Variants in SNX25 observed in about 807,000 individuals in gnomAD.
The protein encoded by SNX25 is sorting nexin 25, also known as sorting nexin-25.
A neutral mutation model predicts 113.7 loss-of-function variants in SNX25; 62 were observed. That is an observed-to-expected ratio of 0.55 (90% CI 0.44 to 0.67). The LOEUF is 0.67. Among genes scored for constraint, SNX25 ranks in the 30% least tolerant of loss-of-function variants. SNX25 has a pLI of 0.00. For synonymous variants in SNX25, 421 were observed against 436.2 expected, an observed-to-expected ratio of 0.97 and a Z score of 0.43; for missense variants, 1,014 against 1,161.0, an observed-to-expected ratio of 0.87 and a Z score of 1.84.
Position 185,334,632 on chromosome 4 carries a change from A to G in SNX25, c.1914+1873A>G, listed in dbSNP as rs767391779. On this transcript the variant is annotated intron_variant, in intron 10 of 18. Transcript: ENST00000652585. The surrounding 1 kb of genome is among the most constrained non-coding windows in gnomAD (Gnocchi z 4.2). ...TTCATCTCATTATAAATTAAAATGCATCTATGGGTAACAGTATGAAAGATG... is the reference window on the plus strand; with the variant it reads ...TTCATCTCATTATAAATTAAAATGCGTCTATGGGTAACAGTATGAAAGATG... 2.6e-5 allele frequency among the ~76,000 whole-genome samples: 4 copies of G among 152,340 alleles called. No homozygotes were observed. Among genetic ancestry groups the G allele is most frequent in the East Asian group, 1.9e-4 (1 of 5,186 alleles).
At chr4:185,310,381 C>T (rs1755073642) in intron 6 of SNX25, among the ~76,000 whole-genome samples, 1 of 152,130 alleles carries the variant, frequency 6.6e-6, no homozygotes, top group African/African-American at 2.4e-5. Context: ...TGCATTTGTA[C>T]AGAGGTTTTT....
At chr4:185,355,313 A>G (rs936225332) in intron 15 of SNX25, among the ~76,000 whole-genome samples, 6 of 152,126 alleles carry the variant, frequency 3.9e-5, no homozygotes, top group African/African-American at 1.4e-4. Context: ...TATAATGTCA[A>G]TCATCAAAGA....
intron 3 of SNX25, among the ~76,000 whole-genome samples, chr4:185,261,114 C>CTGTGTGTG (rs369434936): frequency 0.025 from 3,475 of 141,704 alleles, 49 homozygotes; most frequent in Non-Finnish European, 0.034. Flanking sequence ...CTGTCTGTCT[C>CTGTGTGTG]TGTGTGTGTG....
chr4:185,343,124 C>T lies in SNX25; in HGVS notation c.2187+1008C>T, dbSNP rs142263008. Among the ~76,000 whole-genome samples, 621 of 152,252 alleles carry T rather than the reference C, an allele frequency of 4.1e-3. 1 individual carries two copies. The highest frequency in any genetic ancestry group is 0.013 in the African/African-American group (551 of 41,542). On this transcript the variant is annotated intron_variant, in intron 12 of 18. Transcript: ENST00000652585. Reference sequence around the variant, plus strand: ...CAGGCTGGTCTCGAACTCCTGACCTCGGGTGATCCACCCACCTCGGCCTTA... The same window carrying T: ...CAGGCTGGTCTCGAACTCCTGACCTTGGGTGATCCACCCACCTCGGCCTTA...
chr4:185,264,398 C>G, intron 3 of SNX25, 40 bp from the exon 4 acceptor site: 1 of 1,589,192 alleles, frequency 6.3e-7, no homozygotes, highest in Non-Finnish European at 8.6e-7. Context: ...TGAATTGTTT[C>G]TAGAAACTTC....
chr4:185,209,231 C>A (rs1347395403), upstream of SNX25: 2 of 152,204 alleles, frequency 1.3e-5, no homozygotes, highest in African/African-American at 4.8e-5. The surrounding 1 kb of genome is among the most constrained non-coding windows in gnomAD (Gnocchi z 5.2). Context: ...ATTTAAATAG[C>A]GAGTGAAAAC....
chr4:185,376,561 T>G, the SNX25 span, among the ~76,000 whole-genome samples: 1 of 151,708 alleles, frequency 6.6e-6, no homozygotes, highest in South Asian at 2.1e-4. Flanking sequence ...CCCGAAGTAC[T>G]GGGATTACAG....
intron 7 of SNX25, among the ~76,000 whole-genome samples, chr4:185,313,585 A>C (rs1000967861): frequency 1.3e-5 from 2 of 152,212 alleles, no homozygotes; most frequent in Non-Finnish European, 1.5e-5. Context: ...ATTAGGAACT[A>C]TTTTCAATGG....
At chr4:185,358,314 A>C (rs761841664) in intron 16 of SNX25, among the ~76,000 whole-genome samples, 2 of 152,232 alleles carry the variant, frequency 1.3e-5, no homozygotes, top group African/African-American at 4.8e-5. Context: ...ATCCATATAC[A>C]TAAAGGCATT....
chr4:185,287,913 T>G, intron 5 of SNX25, 99 bp from the exon 6 acceptor site: 1 of 937,646 alleles, frequency 1.1e-6, no homozygotes, highest in Non-Finnish European at 1.6e-6. Flanking sequence ...TCACAGCTCC[T>G]GTGTTACATT....
In SNX25 at chr4:185,310,647, C is replaced by G; in HGVS notation, c.1175C>G (p.Ala392Gly). The change falls in exon 7 of 19, where the codon GCG (alanine) becomes GGG (glycine). Residue 392 changes from alanine (A) to glycine (G), a missense_variant. Ala to Gly is a moderately conservative substitution (Grantham distance 60). Transcript: ENST00000652585. Reference sequence around the variant, plus strand: ...ACTCCTATTCAAGGTAAAGAAACTGCGGCAATGAAAGCTGATCTCCTGAGG... The same window carrying G: ...ACTCCTATTCAAGGTAAAGAAACTGGGGCAATGAAAGCTGATCTCCTGAGG... ...QLKRHKGKET[A>G]AMKADLLRAR... The G allele has an allele frequency of 6.2e-7, 1 of 1,612,362 alleles. No individual in the cohort carries two copies. Among genetic ancestry groups the G allele is most frequent in the Non-Finnish European group, 8.5e-7 (1 of 1,179,274 alleles).
At chr4:185,377,177 C>T in the SNX25 span, 9 of 620,492 alleles carry the variant, frequency 1.5e-5, no homozygotes, top group Non-Finnish European at 2.6e-5. Flanking sequence ...GAAATATTAC[C>T]TGAAAAAACG....
intron 1 of SNX25, among the ~76,000 whole-genome samples, chr4:185,229,902 C>T (rs1224719706): frequency 1.3e-5 from 2 of 152,212 alleles, no homozygotes; most frequent in South Asian, 2.1e-4. Context: ...AATCATGGCT[C>T]TCTGCAGCCT....
intron 1 of SNX25, among the ~76,000 whole-genome samples, chr4:185,238,761 C>T (rs1488787458): frequency 6.6e-6 from 1 of 152,166 alleles, no homozygotes; most frequent in East Asian, 1.9e-4. Flanking sequence ...TTTTCCTTTT[C>T]AAAATAGCAC....
At chr4:185,226,510 G>A (rs1008432208) in intron 1 of SNX25, among the ~76,000 whole-genome samples, 2 of 152,214 alleles carry the variant, frequency 1.3e-5, no homozygotes, top group African/African-American at 4.8e-5. Context: ...GGGTGCAGTG[G>A]CACAATTATA....
chr4:185,373,199 G>A, downstream of SNX25: 2 of 926,114 alleles, frequency 2.2e-6, no homozygotes, highest in South Asian at 1.7e-5. Context: ...CTCTAGGAAA[G>A]AGCGGTAGGC....
At chr4:185,340,052 T>A (rs1052534349) in intron 11 of SNX25, among the ~76,000 whole-genome samples, 4 of 152,234 alleles carry the variant, frequency 2.6e-5, no homozygotes, top group African/African-American at 9.6e-5. Context: ...AAGACGCTTA[T>A]AGGCGTTTAT....
intron 1 of SNX25, among the ~76,000 whole-genome samples, chr4:185,221,367 GTC>G (rs1560900270): frequency 6.6e-6 from 1 of 151,902 alleles, no homozygotes; most frequent in Non-Finnish European, 1.5e-5. Context: ...TAGAGATGGA[GTC>G]TCTCTGTGTT....
chr4:185,241,873 G>C (rs559029182), intron 1 of SNX25, among the ~76,000 whole-genome samples: 1 of 152,196 alleles, frequency 6.6e-6, no homozygotes, highest in South Asian at 2.1e-4. Flanking sequence ...TAAGTCTTTG[G>C]GGAAATCTGC....
Sources: allele counts gnomAD v4.1 joint callset (sites outside exome capture counted in the v4.1 genomes callset), GRCh38; gene constraint gnomAD v4.1.1; non-coding constraint Gnocchi (gnomAD v3.1); transcripts MANE v1.5; gene names NCBI Gene and HGNC (gene_info 2026-07-23, HGNC 2026-07-21).